Variants in RPTOR observed in about 807,000 individuals in gnomAD.
RPTOR encodes regulatory-associated protein of mTOR.
A neutral mutation model predicts 169.9 loss-of-function variants in RPTOR; 21 were observed. That is an observed-to-expected ratio of 0.12 (90% CI 0.09 to 0.18). The LOEUF (loss-of-function observed/expected upper bound fraction) is 0.18. Among genes scored for constraint, RPTOR ranks in the 10% least tolerant of loss-of-function variants. The probability of loss-of-function intolerance (pLI) is 1.00; values close to 1 mark genes in which losing one functional copy is unlikely to be tolerated. For synonymous variants in RPTOR, 732 were observed against 753.2 expected (o/e 0.97, Z 0.46); for missense variants, 1,133 against 1,855.9 (o/e 0.61, Z 7.16).
At chr17:80,697,843 G>A (rs2066050391) in intron 3 of RPTOR, among the ~76,000 whole-genome samples, 2 of 152,200 alleles carry the variant, frequency 1.3e-5, no homozygotes, top group Admixed American at 6.5e-5. Flanking sequence ...GGGACTTGGA[G>A]AGGGGTCATT....
intron 3 of RPTOR, among the ~76,000 whole-genome samples, chr17:80,691,420 T>G (rs112225036): frequency 0.054 from 8,018 of 149,586 alleles, 264 homozygotes; most frequent in Non-Finnish European, 0.079. Context: ...GTGACTAGTG[T>G]GGGGGTGTGT....
intron 20 of RPTOR, among the ~76,000 whole-genome samples, chr17:80,896,449 G>GGA (rs2068403760): frequency 9.4e-6 from 1 of 106,786 alleles, no homozygotes; most frequent in Non-Finnish European, 1.9e-5. Flanking sequence ...CGGCCATGCC[G>GGA]ACACCCCACA....
chr17:80,822,704 GTGTGTACA>G (rs1405736740), intron 8 of RPTOR, among the ~76,000 whole-genome samples: 14 of 152,230 alleles, frequency 9.2e-5, no homozygotes, highest in African/African-American at 1.7e-4. Flanking sequence ...TGTGCACTGT[GTGTGTACA>G]TGTGTACATG....
intron 1 of RPTOR, among the ~76,000 whole-genome samples, chr17:80,570,877 A>T (rs1057461209): frequency 7.2e-5 from 11 of 152,314 alleles, no homozygotes; most frequent in African/African-American, 2.6e-4. Flanking sequence ...CAGCATTAAT[A>T]TTTAAGATTA....
chr17:80,698,463 T>TC (rs1463435420), intron 3 of RPTOR, among the ~76,000 whole-genome samples: 1 of 152,120 alleles, frequency 6.6e-6, no homozygotes, highest in African/African-American at 2.4e-5. Context: ...CATGGCCTGC[T>TC]CCCCGGGGGC....
At chr17:80,560,937 G>A (rs1439734696) in intron 1 of RPTOR, among the ~76,000 whole-genome samples, 1 of 151,904 alleles carries the variant, frequency 6.6e-6, no homozygotes, top group African/African-American at 2.4e-5. Flanking sequence ...GAGAAGAACT[G>A]AGAGATCTGT....
chr17:80,785,555 A>T (rs1654382428), intron 6 of RPTOR, among the ~76,000 whole-genome samples: 1 of 152,140 alleles, frequency 6.6e-6, no homozygotes. Context: ...TGAGTCCTCG[A>T]ATCACAGCAG....
intron 7 of RPTOR, among the ~76,000 whole-genome samples, chr17:80,801,279 T>G (rs932564296): frequency 6.6e-6 from 1 of 152,154 alleles, no homozygotes; most frequent in Non-Finnish European, 1.5e-5. Flanking sequence ...ACATTACCTG[T>G]AAGTCCTCCC....
intron 20 of RPTOR, among the ~76,000 whole-genome samples, chr17:80,905,177 T>C (rs2068525068): frequency 9.7e-6 from 1 of 103,458 alleles, no homozygotes. Flanking sequence ...TTATGCTCTC[T>C]TGTTTTTTTT....
intron 9 of RPTOR, among the ~76,000 whole-genome samples, chr17:80,824,731 C>G (rs995725583): frequency 1.3e-5 from 2 of 152,244 alleles, no homozygotes; most frequent in African/African-American, 4.8e-5. Context: ...GTTCCCTTAC[C>G]AGGAATCAGT....
At chr17:80,710,385 G>C (rs2066178158) in intron 4 of RPTOR, among the ~76,000 whole-genome samples, 1 of 152,098 alleles carries the variant, frequency 6.6e-6, no homozygotes, top group South Asian at 2.1e-4. Flanking sequence ...GGAGCGGGGA[G>C]GGAGGCATCT....
At chr17:80,938,155 C>G (rs1214548676) in intron 24 of RPTOR, among the ~76,000 whole-genome samples, 2 of 152,250 alleles carry the variant, frequency 1.3e-5, no homozygotes, top group African/African-American at 2.4e-5. Flanking sequence ...AACCCCTCAG[C>G]TCCTGTCTCC....
At chr17:80,883,338 C>G in intron 14 of RPTOR, 81 bp from the exon 15 acceptor site, 1 of 1,260,672 alleles carries the variant, frequency 7.9e-7, no homozygotes, top group Non-Finnish European at 1.2e-6. Context: ...CATGAAGATT[C>G]CGAAAGGATC....
At chr17:80,603,487 T>C (rs1235224661) in intron 1 of RPTOR, among the ~76,000 whole-genome samples, 1 of 152,134 alleles carries the variant, frequency 6.6e-6, no homozygotes, top group Non-Finnish European at 1.5e-5. Context: ...GGGTGAAAAG[T>C]TGATTATTGT....
chr17:80,571,906 C>T lies in RPTOR; in HGVS notation c.162+26115C>T, dbSNP rs539985834. Among the ~76,000 whole-genome samples, 37 of 152,190 alleles carry T rather than the reference C, an allele frequency of 2.4e-4. No individual in the cohort carries two copies. The South Asian group carries it at 6.0e-3, about 25-fold the overall frequency. On this transcript the variant is annotated intron_variant, in intron 1 of 33. Coordinates refer to ENST00000306801, the MANE Select transcript of RPTOR (RefSeq NM_020761.3). Reference sequence around the variant, plus strand: ...CGTGTGTTGCTTCTTTTCTCAGTATCGTATTGATAAGAATCAGGTGGTTGA... The same window carrying T: ...CGTGTGTTGCTTCTTTTCTCAGTATTGTATTGATAAGAATCAGGTGGTTGA...
chr17:80,582,275 TA>T (rs980085841), intron 1 of RPTOR, among the ~76,000 whole-genome samples: 6 of 152,202 alleles, frequency 3.9e-5, no homozygotes, highest in African/African-American at 1.2e-4. Context: ...GTTGAACCTT[TA>T]AACACTCAGA....
chr17:80,889,828 AGGATGTGCGGCCTCCGAGGGAGGCCCCC>A (rs2068294565), intron 17 of RPTOR, among the ~76,000 whole-genome samples: 1 of 127,718 alleles, frequency 7.8e-6, no homozygotes, highest in African/African-American at 2.8e-5. Context: ...CGTACGCAGC[AGGATGTGCGGCCTCCGAGGGAGGCCCCC>A]GTATGCAGCA....
At chr17:80,690,136 C>T (rs1036653334) in intron 3 of RPTOR, among the ~76,000 whole-genome samples, 3 of 152,044 alleles carry the variant, frequency 2.0e-5, no homozygotes, top group Admixed American at 6.6e-5. Context: ...AAAATTTCAA[C>T]ATATACCCAT....
At chr17:80,762,782 G>A (rs961832135) in intron 6 of RPTOR, among the ~76,000 whole-genome samples, 2 of 152,096 alleles carry the variant, frequency 1.3e-5, no homozygotes, top group African/African-American at 4.8e-5. Flanking sequence ...GGAGCTAGAA[G>A]GAAGGGGAGA....
Sources: allele counts gnomAD v4.1 joint callset (sites outside exome capture counted in the v4.1 genomes callset), GRCh38; gene constraint gnomAD v4.1.1; transcripts MANE v1.5; gene names NCBI Gene and HGNC (gene_info 2026-07-23, HGNC 2026-07-21).